The following CSMD1 variants were observed in gnomAD, a reference collection of about 807,000 sequenced individuals.
The protein encoded by CSMD1 is CUB and Sushi multiple domains 1.
Under a neutral mutation model 417.5 loss-of-function variants are expected in CSMD1, and 213 were observed. The observed-to-expected ratio is 0.51, with a 90% confidence interval of 0.46 to 0.57. The LOEUF is 0.57. CSMD1 is among the 20% of genes least tolerant of loss of function. The pLI is 0.00. For missense variants in CSMD1, 6,923 were observed against 4,529.7 expected, an observed-to-expected ratio of 1.53 and a Z score of -15.17; for synonymous variants, 2,862 against 1,736.8, an observed-to-expected ratio of 1.65 and a Z score of -16.11.
chr8:4,922,816 G>A (rs527453871), intron 1 of CSMD1, among the ~76,000 whole-genome samples: 1 of 152,294 alleles, frequency 6.6e-6, no homozygotes, highest in South Asian at 2.1e-4. Flanking sequence ...TCTACACAGG[G>A]AAATGACTTG....
chr8:3,716,873 G>A (rs1206143869), intron 6 of CSMD1, among the ~76,000 whole-genome samples: 2 of 151,990 alleles, frequency 1.3e-5, no homozygotes, highest in Non-Finnish European at 2.9e-5. Flanking sequence ...AAGAGTAATA[G>A]TTTTAAAAAA....
chr8:3,227,329 A>AGGC (rs71199547), intron 27 of CSMD1, among the ~76,000 whole-genome samples: 18 of 152,268 alleles, frequency 1.2e-4, no homozygotes, highest in African/African-American at 3.9e-4. Flanking sequence ...GGAACACGGA[A>AGGC]GGAGGTTGCA....
chr8:3,512,110 T>A (rs1797099010), intron 10 of CSMD1, among the ~76,000 whole-genome samples: 1 of 152,144 alleles, frequency 6.6e-6, no homozygotes, highest in Non-Finnish European at 1.5e-5. Context: ...ATATTTCTCA[T>A]CCTGCCTGGA....
intron 4 of CSMD1, among the ~76,000 whole-genome samples, chr8:4,001,067 A>G (rs906514169): frequency 4.6e-5 from 7 of 151,584 alleles, no homozygotes; most frequent in African/African-American, 1.5e-4. Context: ...GAAAAAAAAA[A>G]CTGACATCAA....
chr8:4,938,558 G>A (rs555109217), intron 1 of CSMD1, among the ~76,000 whole-genome samples: 3 of 152,170 alleles, frequency 2.0e-5, no homozygotes, highest in East Asian at 1.9e-4. Flanking sequence ...GATATTCCCT[G>A]CCCTCACACA....
chr8:4,801,469 T>A (rs202020391), intron 1 of CSMD1, among the ~76,000 whole-genome samples: 6,963 of 152,006 alleles, frequency 0.046, 306 homozygotes, highest in East Asian at 0.23. Flanking sequence ...GGCTTTTTTT[T>A]TTCTTTTCTT....
chr8:4,046,543 G>A (rs1157993594), intron 3 of CSMD1, among the ~76,000 whole-genome samples: 2 of 152,124 alleles, frequency 1.3e-5, no homozygotes, highest in African/African-American at 2.4e-5. Context: ...ATTCAACTCT[G>A]TACATAGTAT....
At chr8:4,395,512 C>G (rs1390531379) in intron 3 of CSMD1, among the ~76,000 whole-genome samples, 1 of 151,390 alleles carries the variant, frequency 6.6e-6, no homozygotes, top group Non-Finnish European at 1.5e-5. Flanking sequence ...ACTCCCTACA[C>G]CAGTTCCCCA....
intron 3 of CSMD1, among the ~76,000 whole-genome samples, chr8:4,056,967 G>C (rs1011679490): frequency 1.3e-5 from 2 of 152,172 alleles, no homozygotes; most frequent in South Asian, 2.1e-4. Context: ...CCAAGTCTTT[G>C]CTATTGTGAA....
At chr8:3,917,725 A>C (rs889405919) in intron 5 of CSMD1, among the ~76,000 whole-genome samples, 1 of 152,130 alleles carries the variant, frequency 6.6e-6, no homozygotes, top group Admixed American at 6.6e-5. Context: ...TATCCAAGAA[A>C]CCGTCACCAC....
intron 5 of CSMD1, among the ~76,000 whole-genome samples, chr8:3,920,077 T>G (rs1809123829): frequency 6.6e-6 from 1 of 152,128 alleles, no homozygotes; most frequent in African/African-American, 2.4e-5. Context: ...CCTTCTGCCC[T>G]GGCTAGACTG....
chr8:3,503,838 C>CG (rs1303781838), intron 10 of CSMD1, among the ~76,000 whole-genome samples: 29 of 149,210 alleles, frequency 1.9e-4, no homozygotes, highest in Non-Finnish European at 4.0e-4. Flanking sequence ...CCCTTGCCCC[C>CG]CCCCAACCCC....
chr8:4,499,018 C>G (rs1183048698), intron 2 of CSMD1, among the ~76,000 whole-genome samples: 2 of 151,904 alleles, frequency 1.3e-5, no homozygotes, highest in Admixed American at 6.6e-5. Context: ...AATTAATTAC[C>G]CAGGCATAGA....
At chr8:4,284,025 G>A (rs117340997) in intron 3 of CSMD1, among the ~76,000 whole-genome samples, 1 of 152,086 alleles carries the variant, frequency 6.6e-6, no homozygotes, top group South Asian at 2.1e-4. Context: ...TTGAGGTCAG[G>A]AATTCGAAAC....
chr8:3,091,881 A>G (rs1040427229), intron 47 of CSMD1, among the ~76,000 whole-genome samples: 2 of 152,232 alleles, frequency 1.3e-5, no homozygotes, highest in African/African-American at 4.8e-5. Context: ...TGCATATGCT[A>G]TTAATGGTGT....
intron 41 of CSMD1, among the ~76,000 whole-genome samples, chr8:3,129,594 G>C (rs1260844837): frequency 6.6e-6 from 1 of 151,906 alleles, no homozygotes; most frequent in East Asian, 1.9e-4. Flanking sequence ...GCCCAACATG[G>C]TGAAACCTTC....
intron 3 of CSMD1, among the ~76,000 whole-genome samples, chr8:4,334,051 G>T (rs749176638): frequency 1.3e-5 from 2 of 151,714 alleles, no homozygotes; most frequent in Non-Finnish European, 1.5e-5. Context: ...CCACAACATC[G>T]TTTCATTAAT....
At chr8:4,069,222 C>A (rs1013899726) in intron 3 of CSMD1, among the ~76,000 whole-genome samples, 8 of 152,102 alleles carry the variant, frequency 5.3e-5, no homozygotes, top group Non-Finnish European at 1.0e-4. Context: ...GTAAAATTGT[C>A]ATACAGATGA....
chr8:3,858,576 G>A (rs1021695597), intron 5 of CSMD1, among the ~76,000 whole-genome samples: 2 of 152,130 alleles, frequency 1.3e-5, no homozygotes, highest in Non-Finnish European at 2.9e-5. Flanking sequence ...ACTTTCACGA[G>A]TAGTCTTAAA....
Sources: allele counts gnomAD v4.1 joint callset (sites outside exome capture counted in the v4.1 genomes callset), GRCh38; gene constraint gnomAD v4.1.1; transcripts MANE v1.5; gene names NCBI Gene and HGNC (gene_info 2026-07-23, HGNC 2026-07-21).